Variants in TDRD3 observed in about 807,000 individuals in gnomAD.
TDRD3 encodes tudor domain containing 3, also known as tudor domain-containing protein 3.
In TDRD3, 45 loss-of-function variants were observed where a neutral mutation model predicts 86.7. That is an observed-to-expected ratio of 0.52 (90% confidence interval 0.41 to 0.67). The LOEUF (loss-of-function observed/expected upper bound fraction) is 0.67. Among genes scored for constraint, TDRD3 ranks in the 30% least tolerant of loss-of-function variants. The pLI is 0.00. For missense variants in TDRD3, 814 were observed against 889.0 expected, an observed-to-expected ratio of 0.92 and a Z score of 1.07; for synonymous variants, 298 against 301.7, an observed-to-expected ratio of 0.99 and a Z score of 0.13.
intron 10 of TDRD3, among the ~76,000 whole-genome samples, chr13:60,511,545 A>G (rs1187775132): frequency 1.3e-5 from 2 of 152,238 alleles, no homozygotes; most frequent in Non-Finnish European, 1.5e-5. Flanking sequence ...AAATTACCAC[A>G]AAGTCAGTGG....
At chr13:60,401,649 G>A (rs1954105359) in intron 1 of TDRD3, among the ~76,000 whole-genome samples, 1 of 152,190 alleles carries the variant, frequency 6.6e-6, no homozygotes, top group Non-Finnish European at 1.5e-5. Context: ...CTAACACCCA[G>A]GTGTTAGCCA....
chr13:60,504,560 G>A (rs1351149339), intron 8 of TDRD3, among the ~76,000 whole-genome samples: 1 of 152,130 alleles, frequency 6.6e-6, no homozygotes, highest in Non-Finnish European at 1.5e-5. Context: ...AAGACATTTT[G>A]TTTCTTAAAT....
At chr13:60,477,197 G>GTTATTA (rs558977736) in intron 5 of TDRD3, among the ~76,000 whole-genome samples, 22,245 of 144,178 alleles carry the variant, frequency 0.15, 1,878 homozygotes, top group South Asian at 0.23. Context: ...GTTATAGATG[G>GTTATTA]TTATTATTAT....
chr13:60,569,706 A>G (rs1958539185), intron 13 of TDRD3, among the ~76,000 whole-genome samples: 1 of 152,188 alleles, frequency 6.6e-6, no homozygotes, highest in South Asian at 2.1e-4. Flanking sequence ...AAAATAGCAT[A>G]GTACTGACAT....
chr13:60,508,988 C>T (rs191159103), intron 8 of TDRD3, among the ~76,000 whole-genome samples: 1 of 152,292 alleles, frequency 6.6e-6, no homozygotes, highest in Admixed American at 6.5e-5. Context: ...TTTAAATGGA[C>T]TGTCTTATAT....
intron 13 of TDRD3, 109 bp from the exon 14 acceptor site, chr13:60,573,507 C>A: frequency 1.6e-6 from 1 of 612,524 alleles, no homozygotes; most frequent in Non-Finnish European, 2.0e-6. Flanking sequence ...TCTATTTATA[C>A]AAACACTTCA....
chr13:60,482,325 GT>G (rs1013348145), intron 5 of TDRD3, among the ~76,000 whole-genome samples: 5 of 150,606 alleles, frequency 3.3e-5, no homozygotes, highest in African/African-American at 1.2e-4. Flanking sequence ...TAGCTCACCT[GT>G]TTTTTTTTCT....
At chr13:60,430,513 A>G (rs1954927334) in intron 1 of TDRD3, among the ~76,000 whole-genome samples, 1 of 152,202 alleles carries the variant, frequency 6.6e-6, no homozygotes, top group South Asian at 2.1e-4. Flanking sequence ...TTCTGAATTA[A>G]TGTATGAAAA....
chr13:60,450,323 G>A (rs1158027711), intron 3 of TDRD3, among the ~76,000 whole-genome samples: 2 of 151,992 alleles, frequency 1.3e-5, no homozygotes, highest in African/African-American at 4.8e-5. Context: ...TATTCTCATT[G>A]CCCTTTATAC....
intron 5 of TDRD3, among the ~76,000 whole-genome samples, chr13:60,470,670 G>C (rs1369198322): frequency 6.9e-6 from 1 of 144,432 alleles, no homozygotes; most frequent in Non-Finnish European, 1.5e-5. Context: ...TGCAACCTCT[G>C]CCTCCCAGGT....
At chr13:60,481,026 G>A (rs1048326128) in intron 5 of TDRD3, among the ~76,000 whole-genome samples, 1 of 152,104 alleles carries the variant, frequency 6.6e-6, no homozygotes, top group Non-Finnish European at 1.5e-5. Flanking sequence ...CAGGTGGGAA[G>A]TTTTCTGAAG....
intron 1 of TDRD3, among the ~76,000 whole-genome samples, chr13:60,422,170 G>C (rs1389538358): frequency 2.0e-5 from 3 of 152,134 alleles, no homozygotes; most frequent in Non-Finnish European, 4.4e-5. Flanking sequence ...ACAAAAAGGA[G>C]GGAAGGCGTT....
At chr13:60,543,946 C>T (rs530071787) in intron 12 of TDRD3, among the ~76,000 whole-genome samples, 1 of 148,710 alleles carries the variant, frequency 6.7e-6, no homozygotes, top group Middle Eastern at 3.5e-3. Flanking sequence ...CTCCCATTAT[C>T]GTTTTTGTAA....
chr13:60,549,696 C>T (rs758301788), intron 12 of TDRD3, among the ~76,000 whole-genome samples: 10 of 151,896 alleles, frequency 6.6e-5, no homozygotes, highest in African/African-American at 1.7e-4. Flanking sequence ...AGTAAGAAAA[C>T]GTAGAAAATA....
chr13:60,520,191 A>G (rs1010430116), intron 10 of TDRD3, among the ~76,000 whole-genome samples: 2 of 152,324 alleles, frequency 1.3e-5, no homozygotes, highest in Admixed American at 6.5e-5. Context: ...CAGGAAAACA[A>G]TTGTATATAT....
chr13:60,565,458 A>G (rs1469160383), intron 12 of TDRD3, among the ~76,000 whole-genome samples: 1 of 152,214 alleles, frequency 6.6e-6, no homozygotes, highest in Non-Finnish European at 1.5e-5. Context: ...GGTCATCTCT[A>G]TAAAACCATT....
chr13:60,418,935 A>G (rs1954588890), intron 1 of TDRD3, among the ~76,000 whole-genome samples: 1 of 152,208 alleles, frequency 6.6e-6, no homozygotes, highest in Admixed American at 6.5e-5. Context: ...GTTTGAGTAT[A>G]CCATAATTTG....
At position 60,464,608 on chromosome 13, in the gene TDRD3, G is replaced by T. The variant is rs565948926; in HGVS notation, c.354-2630G>T. 4.7e-4 allele frequency among the ~76,000 whole-genome samples: 71 copies of T among 152,020 alleles called. 1 individual carries two copies. Among genetic ancestry groups the T allele is most frequent in the African/African-American group, 1.7e-3 (69 of 41,496 alleles). ...CATACACACACACACACATACACTG[G>T]AATATTATTCCGCCATAAAAAAGAA... is the stretch of plus-strand genomic sequence containing the variant. On this transcript the variant is annotated intron_variant, in intron 4 of 13. Coordinates refer to ENST00000377881, the MANE Select transcript of TDRD3 (RefSeq NM_001146070.2).
chr13:60,525,162 A>G (rs2137755412), intron 10 of TDRD3, among the ~76,000 whole-genome samples: 1 of 136,388 alleles, frequency 7.3e-6, no homozygotes, highest in African/African-American at 2.6e-5. Context: ...ATATTAAGGG[A>G]ATTCTTTTTT....
Sources: allele counts gnomAD v4.1 joint callset (sites outside exome capture counted in the v4.1 genomes callset), GRCh38; gene constraint gnomAD v4.1.1; transcripts MANE v1.5; gene names NCBI Gene and HGNC (gene_info 2026-07-23, HGNC 2026-07-21).